The following SPAG17 variants were observed in gnomAD, a reference collection of about 807,000 sequenced individuals.
SPAG17 encodes the protein sperm-associated antigen 17.
Under a neutral mutation model 273.6 loss-of-function variants are expected in SPAG17, and 169 were observed. That is an observed-to-expected ratio of 0.62 (90% CI 0.55 to 0.70). SPAG17 has a LOEUF of 0.70. Among genes scored for constraint, SPAG17 ranks in the 30% least tolerant of loss-of-function variants. The pLI is 0.00. For synonymous variants in SPAG17, 825 were observed against 873.2 expected (o/e 0.94, Z 0.97); for missense variants, 2,557 against 2,627.8 (o/e 0.97, Z 0.59).
In SPAG17 at chr1:118,012,206, G is replaced by A. The variant is rs111752406; in HGVS notation, c.4432+22C>T. 1.3e-4 allele frequency: 216 copies of A among 1,602,684 alleles called. No individual in the cohort carries two copies. In the African/African-American group the frequency reaches 2.5e-3, roughly 19 times the overall value. On this transcript the variant is annotated intron_variant, in intron 30 of 48. Transcript: ENST00000336338. ...CTAAAGAGTTATAAAATATTGTCAT[G>A]TACTCAGAAAATAAAACATACTTGT... is the stretch of plus-strand genomic sequence containing the variant.
chr1:118,000,349 A>G (rs1557888122), intron 32 of SPAG17, among the ~76,000 whole-genome samples: 1 of 152,168 alleles, frequency 6.6e-6, no homozygotes, highest in Non-Finnish European at 1.5e-5. Context: ...GTTTTTTCCA[A>G]TTCTGTGAAG....
At chr1:118,037,985 A>G (rs1433228613) in intron 23 of SPAG17, among the ~76,000 whole-genome samples, 1 of 152,204 alleles carries the variant, frequency 6.6e-6, no homozygotes, top group Non-Finnish European at 1.5e-5. Context: ...ATGCTTTAAG[A>G]GAATAAAAAG....
chr1:118,176,867 G>T (rs192192427), intron 1 of SPAG17, among the ~76,000 whole-genome samples: 161 of 151,996 alleles, frequency 1.1e-3, no homozygotes, highest in Middle Eastern at 6.8e-3. Flanking sequence ...TGACCACAAA[G>T]GAATAAAACT....
chr1:118,128,994 G>A (rs1657902419), intron 3 of SPAG17, among the ~76,000 whole-genome samples: 1 of 152,156 alleles, frequency 6.6e-6, no homozygotes, highest in Non-Finnish European at 1.5e-5. Flanking sequence ...ATGGTTTTCT[G>A]GGGCTGCTTG....
chr1:117,991,657 T>C, intron 36 of SPAG17, 129 bp from the exon 37 acceptor site: 3 of 538,756 alleles, frequency 5.6e-6, no homozygotes, highest in Non-Finnish European at 9.5e-6. Flanking sequence ...CAACAACTGT[T>C]TACTAGTCAA....
At chr1:117,976,337 G>A (rs1655133291) in intron 43 of SPAG17, among the ~76,000 whole-genome samples, 1 of 152,190 alleles carries the variant, frequency 6.6e-6, no homozygotes, top group Non-Finnish European at 1.5e-5. Flanking sequence ...CTGGACCTGA[G>A]CCGAGTGAAG....
chr1:117,969,851 C>T (rs1014843993), intron 46 of SPAG17, among the ~76,000 whole-genome samples: 2 of 152,170 alleles, frequency 1.3e-5, no homozygotes, highest in Non-Finnish European at 2.9e-5. Context: ...GGATTGGTCT[C>T]ATGGTTACTA....
chr1:118,092,371 G>A (rs1307285937), intron 8 of SPAG17, among the ~76,000 whole-genome samples: 1 of 152,092 alleles, frequency 6.6e-6, no homozygotes, highest in Admixed American at 6.6e-5. Context: ...ATATAAACCA[G>A]ACTCTCAACT....
In SPAG17 at chr1:117,983,804, A is replaced by C. The variant is rs373169357; in HGVS notation, c.5872+7T>G. 8.9e-6 allele frequency: 14 copies of C among 1,579,822 alleles called. No individual in the cohort carries two copies. The highest frequency in any genetic ancestry group is 1.2e-5 in the Non-Finnish European group (14 of 1,151,158). On this transcript the variant is annotated splice_region_variant and intron_variant, in intron 42 of 48. Coordinates refer to ENST00000336338, the MANE Select transcript of SPAG17 (RefSeq NM_206996.4). Reference sequence around the variant, plus strand: ...TAATAGGAATATGTGCTATGCTAACATATTACCTAGATTAAGATCAGATGT... The same window carrying C: ...TAATAGGAATATGTGCTATGCTAACCTATTACCTAGATTAAGATCAGATGT...
chr1:118,021,239 A>G (rs1158802170), intron 28 of SPAG17, among the ~76,000 whole-genome samples: 2 of 152,216 alleles, frequency 1.3e-5, no homozygotes, highest in East Asian at 3.8e-4. Flanking sequence ...ATGAGCTATC[A>G]AGCCATAAAA....
At chr1:118,056,975 T>C (rs1424883332) in intron 18 of SPAG17, among the ~76,000 whole-genome samples, 1 of 151,648 alleles carries the variant, frequency 6.6e-6, no homozygotes, top group Non-Finnish European at 1.5e-5. Context: ...TTTTCTATTT[T>C]CTTTCTTTTT....
chr1:118,000,098 A>C (rs530093784), intron 32 of SPAG17, among the ~76,000 whole-genome samples: 2 of 151,930 alleles, frequency 1.3e-5, no homozygotes, highest in African/African-American at 4.8e-5. Context: ...CCCATTTCTT[A>C]TTTTTGTCAG....
intron 1 of SPAG17, among the ~76,000 whole-genome samples, chr1:118,165,310 C>T (rs968248102): frequency 6.6e-6 from 1 of 152,028 alleles, no homozygotes; most frequent in Admixed American, 6.5e-5. Context: ...CGCCAGAAGT[C>T]CCACTTGGGC....
chr1:118,097,644 G>T (rs367861656), intron 7 of SPAG17, 26 bp downstream of exon 7: 83 of 1,525,662 alleles, frequency 5.4e-5, no homozygotes, highest in Middle Eastern at 5.3e-4. Flanking sequence ...TTAAAACCAT[G>T]CACTCTCAGT....
At chr1:118,121,959 T>A (rs1657447047) in intron 3 of SPAG17, among the ~76,000 whole-genome samples, 1 of 152,232 alleles carries the variant, frequency 6.6e-6, no homozygotes, top group Non-Finnish European at 1.5e-5. Flanking sequence ...AGGGGCTATG[T>A]TTATTATTAA....
intron 3 of SPAG17, among the ~76,000 whole-genome samples, chr1:118,125,494 T>C (rs1305834056): frequency 6.6e-6 from 1 of 152,172 alleles, no homozygotes; most frequent in Non-Finnish European, 1.5e-5. Context: ...TAGTGGTAAT[T>C]TTGTATCCAT....
rs548179600 is a variant in SPAG17, at chr1:118,169,158, C to A, written c.87+15913G>T. Among the ~76,000 whole-genome samples the A allele has an allele frequency of 9.3e-4, 142 of 152,296 alleles. 1 individual carries two copies. The highest frequency in any genetic ancestry group is 3.2e-3 in the African/African-American group (133 of 41,560). On this transcript the variant is annotated intron_variant, in intron 1 of 48. Transcript: ENST00000336338. ...TATTTAATATTTTTCACTTGCAATACAAATGATCACATATAACATCTAGGT... is the reference window on the plus strand; with the variant it reads ...TATTTAATATTTTTCACTTGCAATAAAAATGATCACATATAACATCTAGGT...
At chr1:117,996,997 G>A (rs927852017) in intron 32 of SPAG17, among the ~76,000 whole-genome samples, 34 of 152,208 alleles carry the variant, frequency 2.2e-4, no homozygotes, top group African/African-American at 8.2e-4. Flanking sequence ...TGAATAGGAT[G>A]GGGAGGATAC....
chr1:118,131,597 T>C (rs1344008385), intron 3 of SPAG17, among the ~76,000 whole-genome samples: 1 of 152,234 alleles, frequency 6.6e-6, no homozygotes, highest in Non-Finnish European at 1.5e-5. Context: ...GCCTGGAGCA[T>C]AGTAGATGAT....
Sources: allele counts gnomAD v4.1 joint callset (sites outside exome capture counted in the v4.1 genomes callset), GRCh38; gene constraint gnomAD v4.1.1; transcripts MANE v1.5; gene names NCBI Gene and HGNC (gene_info 2026-07-23, HGNC 2026-07-21).